Variants in CRACR2A observed in about 807,000 individuals in gnomAD.
The protein encoded by CRACR2A is calcium release activated channel regulator 2A.
Under a neutral mutation model 90.5 loss-of-function variants are expected in CRACR2A, and 79 were observed. The ratio of observed to expected loss-of-function variants is 0.87; its 90% CI spans 0.73 to 1.05. The LOEUF is 1.05. CRACR2A is among the 50% of genes least tolerant of loss of function. The pLI is 0.00. For missense variants in CRACR2A, 823 were observed against 897.2 expected (o/e 0.92, Z 1.06); for synonymous variants, 338 against 356.7 (o/e 0.95, Z 0.59).
chr12:3,656,182 C>A, intron 9 of CRACR2A, 129 bp downstream of exon 9: 1 of 798,040 alleles, frequency 1.3e-6, no homozygotes, highest in East Asian at 2.6e-5. Context: ...ATCTTTTGCG[C>A]GACTAAATAG....
intron 15 of CRACR2A, among the ~76,000 whole-genome samples, chr12:3,631,402 GCT>G (rs1260749771): frequency 1.3e-5 from 2 of 152,114 alleles, no homozygotes; most frequent in Non-Finnish European, 2.9e-5. Flanking sequence ...AGGGCACATG[GCT>G]CTGAGGCCTG....
At position 3,711,214 on chromosome 12, in the gene CRACR2A, T is replaced by TG. The variant is rs1327835571; in HGVS notation, c.-37+2022dup. Among the ~76,000 whole-genome samples, 1 of 152,190 alleles carries TG rather than the reference T, an allele frequency of 6.6e-6. No homozygotes were observed. The highest frequency in any genetic ancestry group is 1.9e-4 in the East Asian group (1 of 5,196). On this transcript the variant is annotated intron_variant, in intron 3 of 19. Coordinates refer to ENST00000440314, the MANE Select transcript of CRACR2A (RefSeq NM_001144958.2). The surrounding 1 kb of genome is among the most constrained non-coding windows in gnomAD (Gnocchi z 4.3). Reference sequence around the variant, plus strand: ...AGTTAGGTGCTTCCAAAAACAATGATGGGACAGGGGCACGACAGATGTTCC... The same window carrying TG: ...AGTTAGGTGCTTCCAAAAACAATGATGGGGACAGGGGCACGACAGATGTTCC...
At chr12:3,744,993 C>T (rs1271787094) in intron 1 of CRACR2A, among the ~76,000 whole-genome samples, 1 of 151,982 alleles carries the variant, frequency 6.6e-6, no homozygotes, top group Non-Finnish European at 1.5e-5. Flanking sequence ...AACAAACAAA[C>T]AAAAAACCCT....
Position 3,648,638 on chromosome 12 carries a change from A to G in CRACR2A, c.1047-25T>C, listed in dbSNP as rs778537371. ...CCTGAGGAGGAGGCAAACACATGGC[A>G]GTGAGCTCCCAGGTGGAAGCCGGAT... On this transcript the variant is annotated intron_variant, in intron 10 of 19. Coordinates refer to ENST00000440314, the MANE Select transcript of CRACR2A (RefSeq NM_001144958.2). 1.0e-5 allele frequency: 16 copies of G among 1,602,200 alleles called. 2 individuals are homozygous for G. The South Asian group carries it at 1.4e-4, about 14-fold the overall frequency.
rs527330981 is a variant in CRACR2A, at chr12:3,662,325, T to C, written c.672-2671A>G. On this transcript the variant is annotated intron_variant, in intron 7 of 19. Transcript: ENST00000440314. ...TAAGGTGCTGTGCATACCAGTCATG[T>C]CACTAAACCAGCGCAGGGACGAGAA... is the stretch of plus-strand genomic sequence containing the variant. 6.6e-5 allele frequency among the ~76,000 whole-genome samples: 10 copies of C among 152,340 alleles called. 1 individual carries two copies. The highest frequency in any genetic ancestry group is 6.2e-4 in the South Asian group (3 of 4,832).
chr12:3,720,080 T>C (rs1946133050), intron 2 of CRACR2A, among the ~76,000 whole-genome samples: 1 of 150,534 alleles, frequency 6.6e-6, no homozygotes, highest in Admixed American at 6.7e-5. Context: ...GATCGTGCCA[T>C]TGCAATGCAG....
At chr12:3,739,294 G>C (rs2159603) in intron 1 of CRACR2A, among the ~76,000 whole-genome samples, 151,836 of 152,364 alleles carry the variant, frequency 1, 75,658 homozygotes, top group Middle Eastern at 1. Context: ...TACTTAATCT[G>C]TCAGAGTCTT....
At chr12:3,719,788 G>A (rs928081475) in intron 2 of CRACR2A, among the ~76,000 whole-genome samples, 2 of 152,132 alleles carry the variant, frequency 1.3e-5, no homozygotes, top group South Asian at 2.1e-4. Context: ...TTGTCCTGCT[G>A]CCATCCACAC....
chr12:3,742,127 A>C (rs1452151789), intron 1 of CRACR2A, among the ~76,000 whole-genome samples: 1 of 152,228 alleles, frequency 6.6e-6, no homozygotes, highest in African/African-American at 2.4e-5. Flanking sequence ...ACATGGGCAA[A>C]TCATGAACAG....
At chr12:3,666,330 CGTGTGTGT>C (rs750488682) in intron 7 of CRACR2A, among the ~76,000 whole-genome samples, 3 of 139,582 alleles carry the variant, frequency 2.1e-5, no homozygotes, top group Non-Finnish European at 3.1e-5. Flanking sequence ...AGGACGGCTG[CGTGTGTGT>C]GTGTGTGTGT....
At chr12:3,644,972 CTCTT>C (rs898304240) in intron 11 of CRACR2A, among the ~76,000 whole-genome samples, 3 of 152,204 alleles carry the variant, frequency 2.0e-5, no homozygotes, top group African/African-American at 7.2e-5. Context: ...GTTGGGCTCC[CTCTT>C]TCTTTCTCTC....
chr12:3,645,822 T>C lies in CRACR2A; in HGVS notation c.1119-1182A>G, dbSNP rs140503660. Among the ~76,000 whole-genome samples, 184 of 152,164 alleles carry C rather than the reference T, an allele frequency of 1.2e-3. 1 individual carries two copies. Among genetic ancestry groups the C allele is most frequent in the African/African-American group, 4.1e-3 (169 of 41,514 alleles). On this transcript the variant is annotated intron_variant, in intron 11 of 19. Transcript: ENST00000440314. ...AGAAATGGCAAAGCAAGTAGCTGGG[T>C]GGGGAAGTGAGGACAAGAGTTGTTA...
intron 10 of CRACR2A, among the ~76,000 whole-genome samples, chr12:3,651,231 T>C (rs1331340388): frequency 2.6e-5 from 4 of 152,228 alleles, no homozygotes; most frequent in Non-Finnish European, 5.9e-5. Context: ...TGCAGAACAG[T>C]ATGCTTAGTA....
At chr12:3,734,654 C>T (rs116406888) in intron 1 of CRACR2A, among the ~76,000 whole-genome samples, 8,595 of 61,814 alleles carry the variant, frequency 0.14, 339 homozygotes, top group East Asian at 0.3. Flanking sequence ...TGTGTGTGTG[C>T]ATATACATAA....
At chr12:3,691,807 A>G (rs1213399007) in intron 4 of CRACR2A, among the ~76,000 whole-genome samples, 1 of 152,216 alleles carries the variant, frequency 6.6e-6, no homozygotes, top group African/African-American at 2.4e-5. Flanking sequence ...TTGTCTCTTT[A>G]CATAATCCCA....
In CRACR2A at chr12:3,659,669, AAAG is replaced by A; in HGVS notation, c.672-18_672-16del. On this transcript the variant is annotated splice_polypyrimidine_tract_variant and intron_variant, in intron 7 of 19. Coordinates refer to ENST00000440314, the MANE Select transcript of CRACR2A (RefSeq NM_001144958.2). ...CAGCAATTTTCCTACAGAGGTGGCA[AAAG>A]GAGAGTCTCATTGAGGTTCCCCTAC... The A allele has an allele frequency of 6.2e-7, 1 of 1,610,390 alleles. No individual in the cohort carries two copies. The highest frequency in any genetic ancestry group is 8.5e-7 in the Non-Finnish European group (1 of 1,176,592).
rs541626507 is a variant in CRACR2A at position 3,629,757 on chromosome 12, G to A, written c.1736-2051C>T. Among the ~76,000 whole-genome samples the A allele has an allele frequency of 1.4e-3, 208 of 150,862 alleles. 2 individuals are homozygous for A. The highest frequency in any genetic ancestry group is 3.4e-3 in the Middle Eastern group (1 of 292). ...TGAGACTCCCTGCTGGACACGCGACGTGTTTCTCTCTGCAGCCTCAGACAG... is the reference window on the plus strand; with the variant it reads ...TGAGACTCCCTGCTGGACACGCGACATGTTTCTCTCTGCAGCCTCAGACAG... On this transcript the variant is annotated intron_variant, in intron 15 of 19. Coordinates refer to ENST00000440314, the MANE Select transcript of CRACR2A (RefSeq NM_001144958.2).
At chr12:3,670,218 C>A (rs146172930) in intron 7 of CRACR2A, among the ~76,000 whole-genome samples, 4 of 152,262 alleles carry the variant, frequency 2.6e-5, no homozygotes, top group African/African-American at 9.6e-5. Context: ...ATGCAGCAGT[C>A]GTGACTTGAG....
intron 1 of CRACR2A, among the ~76,000 whole-genome samples, chr12:3,745,919 G>C (rs1007441239): frequency 6.6e-6 from 1 of 152,034 alleles, no homozygotes. Flanking sequence ...GCTGAAGGCA[G>C]GAGGTGTCTC....
Sources: allele counts gnomAD v4.1 joint callset (sites outside exome capture counted in the v4.1 genomes callset), GRCh38; gene constraint gnomAD v4.1.1; non-coding constraint Gnocchi (gnomAD v3.1); transcripts MANE v1.5; gene names NCBI Gene and HGNC (gene_info 2026-07-23, HGNC 2026-07-21).